The following MPDZ variants were observed in gnomAD, a reference collection of about 807,000 sequenced individuals.
The protein encoded by MPDZ is multiple PDZ domain protein.
Under a neutral mutation model 239.1 loss-of-function variants are expected in MPDZ, and 234 were observed. That is an observed-to-expected ratio of 0.98 (90% CI 0.88 to 1.09). MPDZ has a LOEUF of 1.09. MPDZ is among the 50% of genes least tolerant of loss of function. MPDZ has a pLI of 0.00. For synonymous variants in MPDZ, 1,048 were observed against 881.3 expected (o/e 1.19, Z -3.35); for missense variants, 3,175 against 2,510.0 (o/e 1.26, Z -5.66).
chr9:13,142,386 TTA>T (rs1442715814), intron 27 of MPDZ, among the ~76,000 whole-genome samples: 2 of 152,130 alleles, frequency 1.3e-5, no homozygotes, highest in African/African-American at 2.4e-5. Flanking sequence ...CAATCAGGTG[TTA>T]TGTTTTCATA....
chr9:13,268,100 A>T (rs1972157108), intron 1 of MPDZ, among the ~76,000 whole-genome samples: 1 of 151,992 alleles, frequency 6.6e-6, no homozygotes, highest in Non-Finnish European at 1.5e-5. Flanking sequence ...TTAGCATCAG[A>T]ATGGCTAATT....
chr9:13,169,534 G>A (rs1440756730), intron 21 of MPDZ, among the ~76,000 whole-genome samples: 1 of 151,992 alleles, frequency 6.6e-6, no homozygotes, highest in African/African-American at 2.4e-5. Flanking sequence ...ACTAACTCCA[G>A]ACTAAGGCAA....
chr9:13,275,080 A>C (rs148685869), intron 1 of MPDZ, among the ~76,000 whole-genome samples: 13 of 152,152 alleles, frequency 8.5e-5, no homozygotes, highest in African/African-American at 3.1e-4. Flanking sequence ...ACATCAAATT[A>C]CCCCAGTAAT....
chr9:13,207,099 G>C (rs1587795105), intron 10 of MPDZ, among the ~76,000 whole-genome samples: 1 of 152,104 alleles, frequency 6.6e-6, no homozygotes, highest in African/African-American at 2.4e-5. Flanking sequence ...TGCTCACTGA[G>C]TGCACTGATG....
chr9:13,135,979 A>G, intron 31 of MPDZ, 113 bp downstream of exon 31: 1 of 705,836 alleles, frequency 1.4e-6, no homozygotes, highest in East Asian at 2.8e-5. Context: ...GGCCAAGGCT[A>G]TAACTTATCT....
chr9:13,236,265 ATATTTTTTTTTT>A (rs1963993843), intron 3 of MPDZ, among the ~76,000 whole-genome samples: 2 of 9,204 alleles, frequency 2.2e-4, no homozygotes, highest in African/African-American at 4.4e-4. Context: ...ATATATATAT[ATATTTTTTTTTT>A]TTTTTTTTTT....
At chr9:13,214,966 T>C (rs1254889276) in intron 10 of MPDZ, among the ~76,000 whole-genome samples, 1 of 151,976 alleles carries the variant, frequency 6.6e-6, no homozygotes, top group African/African-American at 2.4e-5. Context: ...TCCTCCATTT[T>C]TTAAAATCGT....
intron 3 of MPDZ, among the ~76,000 whole-genome samples, chr9:13,239,759 G>A (rs547385177): frequency 3.9e-5 from 6 of 152,206 alleles, no homozygotes; most frequent in Non-Finnish European, 7.4e-5. Context: ...TATGCCAAAA[G>A]TGGTAAATGG....
intron 21 of MPDZ, among the ~76,000 whole-genome samples, chr9:13,175,122 T>C (rs1451337432): frequency 2.0e-5 from 3 of 152,176 alleles, no homozygotes; most frequent in East Asian, 1.9e-4. Context: ...CACATGACTG[T>C]GTAACTCAAT....
At chr9:13,123,430 G>A (rs903049223) in intron 35 of MPDZ, 132 bp from the exon 36 acceptor site, 1 of 601,818 alleles carries the variant, frequency 1.7e-6, no homozygotes, top group Admixed American at 3.1e-5. Context: ...AAGAGACTTT[G>A]TATTTACCTC....
At chr9:13,247,933 A>T (rs1030769716) in intron 2 of MPDZ, 132 bp from the exon 3 acceptor site, 4 of 891,320 alleles carry the variant, frequency 4.5e-6, no homozygotes, top group East Asian at 2.5e-5. Context: ...TAAATTGAAT[A>T]AAAAAACAGT....
intron 1 of MPDZ, among the ~76,000 whole-genome samples, chr9:13,276,369 G>A (rs749850386): frequency 6.6e-6 from 1 of 152,198 alleles, no homozygotes; most frequent in Admixed American, 6.5e-5. Context: ...ATTTTACCAT[G>A]CTAAATATCA....
intron 26 of MPDZ, among the ~76,000 whole-genome samples, chr9:13,145,136 T>C (rs1197971069): frequency 1.3e-5 from 2 of 152,048 alleles, no homozygotes; most frequent in Admixed American, 6.6e-5. Flanking sequence ...AAGTATAGCA[T>C]AGGCACAGCA....
At position 13,219,743 on chromosome 9, in the gene MPDZ, T is replaced by G; in HGVS notation, c.902A>C (p.His301Pro). Residue 301 changes from histidine to proline, a missense_variant, in exon 8 of 47, where the codon CAC becomes CCC. Coordinates refer to ENST00000319217, the MANE Select transcript of MPDZ (RefSeq NM_001378778.1). ...DQHGRLCSGD[H>P]ILKIGDTDLA... ...ATCTGTGTCACCAATCTTTAGAATG[T>G]GGTCTCCACTGCATAAACGCCCATG... 6.2e-7 allele frequency: 1 copy of G among 1,612,596 alleles called. No homozygotes were observed. Among genetic ancestry groups the G allele is most frequent in the Non-Finnish European group, 8.5e-7 (1 of 1,179,104 alleles).
chr9:13,173,581 T>G (rs1048798536), intron 21 of MPDZ, among the ~76,000 whole-genome samples: 1 of 151,796 alleles, frequency 6.6e-6, no homozygotes, highest in Non-Finnish European at 1.5e-5. Flanking sequence ...CAGAGGCCTG[T>G]AATCCCAGCT....
At chr9:13,260,798 C>G (rs187430787) in intron 1 of MPDZ, among the ~76,000 whole-genome samples, 1 of 152,146 alleles carries the variant, frequency 6.6e-6, no homozygotes, top group Admixed American at 6.6e-5. Context: ...CAGAACCCTA[C>G]CAGACCTTGA....
chr9:13,115,809 G>A (rs1341537329), intron 39 of MPDZ, among the ~76,000 whole-genome samples: 2 of 151,932 alleles, frequency 1.3e-5, no homozygotes, highest in East Asian at 1.9e-4. Context: ...GCTGGGCGTG[G>A]TGGCAGGCGC....
At chr9:13,250,779 C>T (rs34044177) in intron 1 of MPDZ, among the ~76,000 whole-genome samples, 152 of 152,198 alleles carry the variant, frequency 1.0e-3, no homozygotes, top group Middle Eastern at 3.4e-3. Flanking sequence ...AAATGTGATC[C>T]TGCCCTCAAA....
Position 13,119,527 on chromosome 9 carries a change from T to G in MPDZ, c.5354A>C (p.Gln1785Pro). ...VNGEDVRNAT[Q>P]EAVAALLKCS... ...CTTTAGCAAAGCGGCAACCGCTTCT[T>G]GGGTGGCATTACGAACGTCTTCCCC... The change falls in exon 39 of 47, where the codon CAA becomes CCA. Residue 1785 changes from glutamine (Q) to proline (P), a missense_variant. By Grantham distance (76) the Gln-to-Pro change is moderately conservative (BLOSUM62 -1). Coordinates refer to ENST00000319217, the MANE Select transcript of MPDZ (RefSeq NM_001378778.1). The G allele has an allele frequency of 6.2e-7, 1 of 1,613,060 alleles. No individual in the cohort carries two copies. The highest frequency in any genetic ancestry group is 8.5e-7 in the Non-Finnish European group (1 of 1,179,466).
Sources: gnomAD v4.1 joint callset for allele counts (sites outside exome capture counted in the v4.1 genomes callset) on GRCh38, gnomAD v4.1.1 for gene constraint, MANE v1.5 for transcripts, NCBI Gene and HGNC (gene_info 2026-07-23, HGNC 2026-07-21) for gene names.